The following ACOT12 variants were observed in gnomAD, a reference collection of about 807,000 sequenced individuals.
ACOT12 encodes the protein acyl-CoA thioesterase 12.
ACOT12 carries 51 observed loss-of-function variants against 67.7 expected under a neutral mutation model. The ratio of observed to expected loss-of-function variants is 0.75; its 90% CI spans 0.60 to 0.95. The LOEUF is 0.95. ACOT12 is among the 40% of genes least tolerant of loss of function. The pLI, the probability that ACOT12 is intolerant of heterozygous loss-of-function variation, is 0.00. For missense variants in ACOT12, 734 were observed against 708.1 expected, an observed-to-expected ratio of 1.04 and a Z score of -0.41; for synonymous variants, 251 against 244.6, an observed-to-expected ratio of 1.03 and a Z score of -0.24.
intron 11 of ACOT12, among the ~76,000 whole-genome samples, chr5:81,341,342 C>T (rs1239534094): frequency 6.6e-6 from 1 of 152,100 alleles, no homozygotes; most frequent in Non-Finnish European, 1.5e-5. Flanking sequence ...AAAAACAAAA[C>T]ATTCAGAAGA....
At chr5:81,331,629 A>G (rs147603496) in intron 13 of ACOT12, among the ~76,000 whole-genome samples, 24 of 152,302 alleles carry the variant, frequency 1.6e-4, no homozygotes, top group South Asian at 4.1e-4. Context: ...CTCCAGTCCA[A>G]TTGCGCTCCC....
rs1167301024 is a variant in ACOT12 at position 81,359,912 on chromosome 5, T to G, written c.487A>C (p.Lys163Gln). The G allele has an allele frequency of 1.9e-6, 3 of 1,605,096 alleles. No homozygotes were observed. The highest frequency in any genetic ancestry group is 2.5e-6 in the Non-Finnish European group (3 of 1,177,922). The change falls in exon 5 of 15, where the codon AAA (lysine) becomes CAA (glutamine). Residue 163 changes from lysine (K) to glutamine (Q), a missense_variant. By Grantham distance (53) the Lys-to-Gln change is moderately conservative. Transcript: ENST00000307624. ...TFNNLMKESS[K>Q]FDDLIFDEEE... The stretch of plus-strand genomic sequence containing the variant: ...AAGTGGATTTACTGACCATCAAATT[T>G]GCTACTTTCCTTCATTAAATTGTTA...
intron 4 of ACOT12, among the ~76,000 whole-genome samples, chr5:81,361,170 G>A (rs1350802816): frequency 6.6e-6 from 1 of 150,970 alleles, no homozygotes; most frequent in East Asian, 1.9e-4. Flanking sequence ...CTACCTTGTG[G>A]AATTTGGTTA....
At chr5:81,389,103 C>G (rs527841422) in intron 1 of ACOT12, among the ~76,000 whole-genome samples, 55 of 152,124 alleles carry the variant, frequency 3.6e-4, no homozygotes, top group Non-Finnish European at 5.9e-4. Context: ...ACTAAGTGCT[C>G]TGAAGAAAAC....
intron 5 of ACOT12, among the ~76,000 whole-genome samples, chr5:81,357,649 G>C (rs1471150783): frequency 1.3e-5 from 2 of 152,106 alleles, no homozygotes; most frequent in African/African-American, 4.8e-5. Flanking sequence ...GACGAGGGAT[G>C]ACTTGGAGAG....
chr5:81,378,812 T>C (rs925601608), intron 2 of ACOT12, among the ~76,000 whole-genome samples: 9 of 152,090 alleles, frequency 5.9e-5, no homozygotes, highest in Non-Finnish European at 1.5e-5. Flanking sequence ...ACAATGACAA[T>C]CATTAAAAAG....
intron 5 of ACOT12, 159 bp downstream of exon 5, chr5:81,359,744 G>T (rs1247333595): frequency 5.8e-6 from 4 of 689,792 alleles, no homozygotes; most frequent in Admixed American, 3.8e-5. Flanking sequence ...ATTCTCAATG[G>T]CCAGGTTTCT....
chr5:81,320,810 T>C, the ACOT12 span, among the ~76,000 whole-genome samples: 1 of 152,202 alleles, frequency 6.6e-6, no homozygotes, highest in Non-Finnish European at 1.5e-5. Flanking sequence ...TTTGTTTTGT[T>C]TGGGCCACTA....
chr5:81,331,314 G>C (rs1427591228), intron 13 of ACOT12, among the ~76,000 whole-genome samples: 4 of 152,130 alleles, frequency 2.6e-5, no homozygotes, highest in Admixed American at 2.6e-4. Context: ...GAGGCAGGCA[G>C]ATCACCTGAG....
chr5:81,342,023 C>T (rs750110911), intron 11 of ACOT12, among the ~76,000 whole-genome samples: 2 of 152,068 alleles, frequency 1.3e-5, no homozygotes, highest in African/African-American at 2.4e-5. Context: ...CAGAGTCTTG[C>T]TCTATTGCCC....
At chr5:81,393,302 A>T (rs1056735790) in intron 1 of ACOT12, among the ~76,000 whole-genome samples, 8 of 152,254 alleles carry the variant, frequency 5.3e-5, no homozygotes, top group Admixed American at 3.3e-4. Flanking sequence ...TTTCTTAATT[A>T]AAAATGTTAT....
chr5:81,362,629 C>T (rs1759951912), intron 4 of ACOT12, among the ~76,000 whole-genome samples: 1 of 152,138 alleles, frequency 6.6e-6, no homozygotes, highest in Non-Finnish European at 1.5e-5. Flanking sequence ...GCACCCATCC[C>T]CTATTCTCTC....
intron 10 of ACOT12, 83 bp downstream of exon 10, chr5:81,343,735 G>A (rs1192073627): frequency 7.1e-7 from 1 of 1,408,844 alleles, no homozygotes; most frequent in Non-Finnish European, 9.9e-7. Context: ...CGTAGGCACA[G>A]CCTAGGCCAG....
chr5:81,334,258 AATAAGGCAGAGGGTCTG>A (rs1209899751), intron 12 of ACOT12, among the ~76,000 whole-genome samples: 1 of 152,212 alleles, frequency 6.6e-6, no homozygotes, highest in Admixed American at 6.5e-5. Context: ...CTGTTCTTGC[AATAAGGCAGAGGGTCTG>A]ATCGAGCTGA....
At chr5:81,339,068 G>A (rs1759104881) in intron 11 of ACOT12, among the ~76,000 whole-genome samples, 1 of 152,218 alleles carries the variant, frequency 6.6e-6, no homozygotes, top group South Asian at 2.1e-4. Flanking sequence ...CAAAGAGTGA[G>A]ACTCTATCTC....
chr5:81,339,636 G>A (rs931880033), intron 11 of ACOT12, among the ~76,000 whole-genome samples: 9 of 152,252 alleles, frequency 5.9e-5, no homozygotes, highest in African/African-American at 2.2e-4. Context: ...GCCTATAAGA[G>A]CTGACTTTTA....
At chr5:81,386,995 A>ATTTTTTTTTTT (rs869281800) in intron 1 of ACOT12, among the ~76,000 whole-genome samples, 7 of 81,334 alleles carry the variant, frequency 8.6e-5, no homozygotes, top group East Asian at 2.9e-4. Context: ...GATGAGTTCC[A>ATTTTTTTTTTT]TTTTTTTTTT....
rs182288260 is a variant in ACOT12, at chr5:81,337,322, A to G, written c.1129-1421T>C. On this transcript the variant is annotated intron_variant, in intron 11 of 14. Coordinates refer to ENST00000307624, the MANE Select transcript of ACOT12 (RefSeq NM_130767.3). ...GGCAGCCATGCTCCATTCTGGTGGA[A>G]CAAGATGGAGTGGGATGCAATATTG... Among the ~76,000 whole-genome samples the G allele has an allele frequency of 1.8e-3, 279 of 152,326 alleles. 1 individual carries two copies. Among genetic ancestry groups the G allele is most frequent in the South Asian group, 9.1e-3 (44 of 4,824 alleles).
At chr5:81,336,035 C>T in intron 11 of ACOT12, 134 bp from the exon 12 acceptor site, 1 of 971,580 alleles carries the variant, frequency 1.0e-6, no homozygotes, top group Admixed American at 3.3e-5. Context: ...AATTGAAGCC[C>T]CATGGCAATT....
Sources: gnomAD v4.1 joint callset for allele counts (sites outside exome capture counted in the v4.1 genomes callset) on GRCh38, gnomAD v4.1.1 for gene constraint, MANE v1.5 for transcripts, NCBI Gene and HGNC (gene_info 2026-07-23, HGNC 2026-07-21) for gene names.